LDLRAD3: variants seen among roughly 807,000 people sequenced by gnomAD.
LDLRAD3 encodes the protein low-density lipoprotein receptor class A domain-containing protein 3.
LDLRAD3 carries 20 observed loss-of-function variants against 29.4 expected under a neutral mutation model. The observed-to-expected ratio is 0.68, with a 90% CI of 0.48 to 0.99. The LOEUF (loss-of-function observed/expected upper bound fraction) is 0.99, where lower values mean the gene tolerates loss of function less well. LDLRAD3 is among the 50% of genes least tolerant of loss of function. The pLI is 0.00. For missense variants in LDLRAD3, 420 were observed against 454.3 expected (o/e 0.92, Z 0.69); for synonymous variants, 157 against 192.7 (o/e 0.81, Z 1.53).
intron 4 of LDLRAD3, among the ~76,000 whole-genome samples, chr11:36,190,454 T>C (rs1854924140): frequency 6.6e-6 from 1 of 152,180 alleles, no homozygotes; most frequent in African/African-American, 2.4e-5. Flanking sequence ...GAGTTATGAT[T>C]GCACCACTGC....
At chr11:36,162,024 G>A (rs987482443) in intron 4 of LDLRAD3, among the ~76,000 whole-genome samples, 8 of 152,086 alleles carry the variant, frequency 5.3e-5, no homozygotes, top group African/African-American at 1.9e-4. Flanking sequence ...TGAAAGAACT[G>A]AAGTAAAACT....
chr11:35,998,512 A>G (rs985681376), intron 1 of LDLRAD3, among the ~76,000 whole-genome samples: 1 of 152,202 alleles, frequency 6.6e-6, no homozygotes, highest in African/African-American at 2.4e-5. Context: ...GGGCAGGCTG[A>G]TCTAAACAAA....
intron 1 of LDLRAD3, among the ~76,000 whole-genome samples, chr11:36,007,702 C>G (rs1851902611): frequency 6.6e-6 from 1 of 152,206 alleles, no homozygotes; most frequent in South Asian, 2.1e-4. Context: ...TAATAATCAG[C>G]TCTGGGGGAG....
At chr11:36,131,284 C>A (rs1009156553) in intron 4 of LDLRAD3, among the ~76,000 whole-genome samples, 1 of 152,180 alleles carries the variant, frequency 6.6e-6, no homozygotes, top group Non-Finnish European at 1.5e-5. Flanking sequence ...CAGCAGCAGA[C>A]GCATCTCAAA....
rs541228843 is a variant in LDLRAD3 at position 36,151,510 on chromosome 11, A to G, written c.454+53049A>G. ...TGTTAAGTTTCTTGCCCAGGGCCAC[A>G]TAGCTAGTAAACAATTGGGCTGGGC... On this transcript the variant is annotated intron_variant, in intron 4 of 5. Transcript: ENST00000315571. Among the ~76,000 whole-genome samples, 4 of 152,312 alleles carry G rather than the reference A, an allele frequency of 2.6e-5. No individual in the cohort carries two copies. In the East Asian group the frequency reaches 5.8e-4, roughly 22 times the overall value.
At chr11:35,993,266 TC>T (rs1851711711) in intron 1 of LDLRAD3, among the ~76,000 whole-genome samples, 2 of 152,158 alleles carry the variant, frequency 1.3e-5, no homozygotes, top group Non-Finnish European at 2.9e-5. Context: ...AGGAATAGCC[TC>T]CTTATAAATA....
At chr11:36,141,996 T>G (rs1232397372) in intron 4 of LDLRAD3, among the ~76,000 whole-genome samples, 1 of 152,222 alleles carries the variant, frequency 6.6e-6, no homozygotes, top group Non-Finnish European at 1.5e-5. Context: ...TTGGGACCTT[T>G]CCCTGAATCT....
chr11:36,140,720 G>A (rs1196919837), intron 4 of LDLRAD3, among the ~76,000 whole-genome samples: 2 of 152,052 alleles, frequency 1.3e-5, no homozygotes, highest in Middle Eastern at 3.2e-3. Flanking sequence ...CGTGCCTGAC[G>A]TTGTGTACAC....
chr11:36,166,342 G>A (rs538658253), intron 4 of LDLRAD3, among the ~76,000 whole-genome samples: 38 of 152,218 alleles, frequency 2.5e-4, no homozygotes, highest in Middle Eastern at 3.4e-3. Context: ...TAATCACATC[G>A]GCATGGCAGT....
chr11:36,210,789 T>C (rs1389122242), intron 4 of LDLRAD3, among the ~76,000 whole-genome samples: 1 of 152,230 alleles, frequency 6.6e-6, no homozygotes, highest in Admixed American at 6.5e-5. Context: ...TGTTCAGGTA[T>C]TTCATAGCCA....
intron 1 of LDLRAD3, among the ~76,000 whole-genome samples, chr11:35,998,495 G>A (rs1851782694): frequency 6.6e-6 from 1 of 152,182 alleles, no homozygotes; most frequent in Non-Finnish European, 1.5e-5. Context: ...AATGCTCAGA[G>A]CCTGTTGGGC....
At chr11:36,076,353 A>G (rs1407818982) in intron 2 of LDLRAD3, among the ~76,000 whole-genome samples, 1 of 151,228 alleles carries the variant, frequency 6.6e-6, no homozygotes, top group South Asian at 2.1e-4. Flanking sequence ...TTCAGTTTCA[A>G]TGAACCAAAG....
chr11:36,098,263 G>C, intron 3 of LDLRAD3, 64 bp from the exon 4 acceptor site: 1 of 1,596,878 alleles, frequency 6.3e-7, no homozygotes, highest in Non-Finnish European at 8.6e-7. Context: ...GCTGGAAGAA[G>C]TTCCAGGGTC....
At chr11:36,012,707 G>T (rs1851971741) in intron 1 of LDLRAD3, among the ~76,000 whole-genome samples, 1 of 152,132 alleles carries the variant, frequency 6.6e-6, no homozygotes, top group Admixed American at 6.5e-5. Context: ...CTCAGAATTG[G>T]ACCACAATTC....
intron 1 of LDLRAD3, among the ~76,000 whole-genome samples, chr11:36,017,193 T>C (rs950757063): frequency 2.6e-5 from 4 of 152,222 alleles, no homozygotes; most frequent in African/African-American, 9.7e-5. Flanking sequence ...TGGCTTCCCA[T>C]TGAAATTCTC....
intron 1 of LDLRAD3, among the ~76,000 whole-genome samples, chr11:35,970,498 T>G (rs577981767): frequency 1.9e-4 from 29 of 152,360 alleles, no homozygotes; most frequent in African/African-American, 7.0e-4. Flanking sequence ...TGCCGACACC[T>G]TGAACTTCTA....
At chr11:36,155,874 G>A (rs1854342655) in intron 4 of LDLRAD3, among the ~76,000 whole-genome samples, 1 of 152,120 alleles carries the variant, frequency 6.6e-6, no homozygotes, top group Non-Finnish European at 1.5e-5. Flanking sequence ...AAAGTCCTGG[G>A]CCTGCCTTCC....
chr11:36,028,004 C>CG (rs374929575), intron 1 of LDLRAD3, among the ~76,000 whole-genome samples: 103 of 152,292 alleles, frequency 6.8e-4, no homozygotes, highest in African/African-American at 2.1e-3. Flanking sequence ...CAGGTCTGAC[C>CG]GGCAGCCAGC....
Position 36,115,579 on chromosome 11 carries a change from C to T in LDLRAD3, c.454+17118C>T, listed in dbSNP as rs113542868. The stretch of plus-strand genomic sequence containing the variant: ...TTGCACACGAAGGCCAGAAAGGCTA[C>T]TGACCTCAAGCTCTGCTGTGTCATG... On this transcript the variant is annotated intron_variant, in intron 4 of 5. Coordinates refer to ENST00000315571, the MANE Select transcript of LDLRAD3 (RefSeq NM_174902.4). 3.0e-3 allele frequency among the ~76,000 whole-genome samples: 456 copies of T among 152,318 alleles called. 4 individuals carry two copies. The highest frequency in any genetic ancestry group is 0.01 in the African/African-American group (435 of 41,558).
Sources: allele counts gnomAD v4.1 joint callset (sites outside exome capture counted in the v4.1 genomes callset), GRCh38; gene constraint gnomAD v4.1.1; transcripts MANE v1.5; gene names NCBI Gene and HGNC (gene_info 2026-07-23, HGNC 2026-07-21).